POC1B: variants seen among roughly 807,000 people sequenced by gnomAD.
POC1B encodes POC1 centriolar protein B.
POC1B carries 44 observed loss-of-function variants against 60.6 expected under a neutral mutation model. That is an observed-to-expected ratio of 0.73 (90% CI 0.57 to 0.93). POC1B has a LOEUF of 0.93. Ranked by LOEUF, POC1B falls within the 40% of genes least tolerant of loss-of-function variation. The probability of loss-of-function intolerance (pLI) is 0.00; values close to 1 mark genes in which losing one functional copy is unlikely to be tolerated. For missense variants in POC1B, 555 were observed against 572.3 expected (o/e 0.97, Z 0.31); for synonymous variants, 180 against 198.9 (o/e 0.90, Z 0.80).
At chr12:89,440,784 T>G (rs535735664) in intron 10 of POC1B, among the ~76,000 whole-genome samples, 10 of 152,292 alleles carry the variant, frequency 6.6e-5, no homozygotes, top group Admixed American at 6.5e-4. Flanking sequence ...GGACAGTGGG[T>G]GCAGCCCACA....
At chr12:89,483,494 T>C (rs1243721426) in intron 4 of POC1B, among the ~76,000 whole-genome samples, 1 of 152,156 alleles carries the variant, frequency 6.6e-6, no homozygotes, top group Non-Finnish European at 1.5e-5. Context: ...CCTCACATGG[T>C]GAGAGGCAAG....
chr12:89,501,788 A>C (rs1869580965), intron 2 of POC1B: 3 of 1,047,450 alleles, frequency 2.9e-6, no homozygotes, highest in Non-Finnish European at 4.5e-6. Context: ...AAATCTGCTA[A>C]GAAAACAAAT....
Position 89,420,830 on chromosome 12 carries a change from T to C in POC1B, c.*323A>G. On this transcript the variant is annotated 3_prime_UTR_variant, in exon 12 of 12. Transcript: ENST00000313546. ...GTGAAATCCAGAGATCTGGTTACTTTCCTGGCAGGATTTGGCCTATAAATG... is the reference window on the plus strand; with the variant it reads ...GTGAAATCCAGAGATCTGGTTACTTCCCTGGCAGGATTTGGCCTATAAATG... 1 of 211,344 alleles carries C rather than the reference T, an allele frequency of 4.7e-6. No individual in the cohort carries two copies. The allele number at this position is 211,344 out of a possible 1,614,324, so 13.1% of individuals were successfully genotyped here.
the POC1B span, among the ~76,000 whole-genome samples, chr12:89,412,338 TTTTCTTTG>T: frequency 2.0e-5 from 3 of 149,594 alleles, no homozygotes; most frequent in African/African-American, 4.9e-5. Flanking sequence ...TATTTTTTCT[TTTTCTTTG>T]TTTCTTTTTT....
chr12:89,500,087 C>A, intron 2 of POC1B: 3 of 1,384,998 alleles, frequency 2.2e-6, no homozygotes, highest in African/African-American at 1.4e-5. Context: ...TCAGCGGGGC[C>A]GGAACATGGC....
At chr12:89,443,856 G>A (rs1356284618) in intron 10 of POC1B, among the ~76,000 whole-genome samples, 30 of 151,632 alleles carry the variant, frequency 2.0e-4, no homozygotes, top group Admixed American at 2.0e-3. Flanking sequence ...TAGACCACTA[G>A]CAAGACTAAT....
chr12:89,494,438 G>A (rs1046021771), intron 3 of POC1B, among the ~76,000 whole-genome samples: 3 of 152,082 alleles, frequency 2.0e-5, no homozygotes, highest in African/African-American at 7.2e-5. Flanking sequence ...CCCTGTACAT[G>A]CATGTCTCTC....
At chr12:89,485,530 A>G (rs1279997686) in intron 4 of POC1B, among the ~76,000 whole-genome samples, 1 of 152,184 alleles carries the variant, frequency 6.6e-6, no homozygotes, top group Admixed American at 6.5e-5. Context: ...CATTCACTCC[A>G]AACAGTAAGA....
At chr12:89,411,887 AT>A in the POC1B span, among the ~76,000 whole-genome samples, 1 of 152,228 alleles carries the variant, frequency 6.6e-6, no homozygotes, top group African/African-American at 2.4e-5. Flanking sequence ...AGGTTTCTAA[AT>A]GATTTATCTT....
intron 2 of POC1B, chr12:89,523,917 A>AC: frequency 6.2e-7 from 1 of 1,602,736 alleles, no homozygotes; most frequent in Non-Finnish European, 8.5e-7. Flanking sequence ...CCCCAATCAG[A>AC]CGGGCCCTAA....
chr12:89,407,399 A>AT, the POC1B span, among the ~76,000 whole-genome samples: 205 of 149,964 alleles, frequency 1.4e-3, 1 homozygote, highest in African/African-American at 4.4e-3. Context: ...TGCCCAGCTA[A>AT]TTTTTTTTTG....
chr12:89,481,583 G>A (rs75615848), intron 4 of POC1B, among the ~76,000 whole-genome samples: 5,788 of 152,258 alleles, frequency 0.038, 161 homozygotes, highest in South Asian at 0.1. Flanking sequence ...TTTGAAGACA[G>A]GGTACAAGAG....
chr12:89,410,680 A>AC, the POC1B span, among the ~76,000 whole-genome samples: 1 of 137,946 alleles, frequency 7.2e-6, no homozygotes, highest in Non-Finnish European at 1.5e-5. Flanking sequence ...CTCCGTCTCA[A>AC]AAAAAAAAAA....
the POC1B span, among the ~76,000 whole-genome samples, chr12:89,409,101 C>T: frequency 6.6e-6 from 1 of 152,178 alleles, no homozygotes; most frequent in Non-Finnish European, 1.5e-5. Flanking sequence ...GTTCCTTTTG[C>T]TGTGCAGAAG....
At chr12:89,464,285 C>A (rs1341837812) in intron 9 of POC1B, among the ~76,000 whole-genome samples, 1 of 152,128 alleles carries the variant, frequency 6.6e-6, no homozygotes, top group African/African-American at 2.4e-5. Context: ...TAAATGAACA[C>A]AGCACAACTT....
chr12:89,432,011 G>T (rs1807437800), intron 10 of POC1B, among the ~76,000 whole-genome samples: 1 of 152,042 alleles, frequency 6.6e-6, no homozygotes, highest in Non-Finnish European at 1.5e-5. Context: ...TAATTCTCAT[G>T]AATCCCTCTT....
At chr12:89,409,197 A>G in the POC1B span, among the ~76,000 whole-genome samples, 1 of 152,188 alleles carries the variant, frequency 6.6e-6, no homozygotes, top group East Asian at 1.9e-4. Flanking sequence ...GTCTTTGCCC[A>G]TGCCTATGTC....
Position 89,421,231 on chromosome 12 carries a change from C to T in POC1B, c.1359G>A (p.Leu453=). 2 of 1,600,140 alleles carry T rather than the reference C, an allele frequency of 1.2e-6. No homozygotes were observed. The highest frequency in any genetic ancestry group is 1.7e-6 in the Non-Finnish European group (2 of 1,169,458). ...CTTTCAGCTTATCCTCTGTCAAAGT[C>T]AGTCGCTGCTCCAAGATTGAAACAG... ...TQTVSILEQR[L]TLTEDKLKDC... The change falls in exon 12 of 12, where the codon CTG becomes CTA. Residue 453 remains leucine, a synonymous_variant. Coordinates refer to ENST00000313546, the MANE Select transcript of POC1B (RefSeq NM_172240.3).
intron 2 of POC1B, among the ~76,000 whole-genome samples, chr12:89,502,913 GTTC>G (rs969059211): frequency 6.6e-6 from 1 of 152,098 alleles, no homozygotes; most frequent in African/African-American, 2.4e-5. Context: ...TGAGGAAAGT[GTTC>G]TTCTTTTTAC....
Sources: allele counts gnomAD v4.1 joint callset (sites outside exome capture counted in the v4.1 genomes callset), GRCh38; gene constraint gnomAD v4.1.1; transcripts MANE v1.5; gene names NCBI Gene and HGNC (gene_info 2026-07-23, HGNC 2026-07-21).